ZNF729: variants seen among roughly 807,000 people sequenced by gnomAD.
ZNF729 encodes zinc finger protein 729.
In ZNF729, 15 loss-of-function variants were observed where a neutral mutation model predicts 12.2. The observed-to-expected ratio is 1.23, with a 90% CI of 0.82 to 1.89. ZNF729 has a LOEUF of 1.89. ZNF729 is among the 40% of genes most tolerant of loss of function. The pLI, the probability that ZNF729 is intolerant of heterozygous loss-of-function variation, is 0.00. For missense variants in ZNF729, 1,540 were observed against 1,456.7 expected, an observed-to-expected ratio of 1.06 and a Z score of -0.93; for synonymous variants, 492 against 476.3, an observed-to-expected ratio of 1.03 and a Z score of -0.43.
chr19:22,292,838 C>T (rs1968173352), intron 1 of ZNF729, among the ~76,000 whole-genome samples: 1 of 152,128 alleles, frequency 6.6e-6, no homozygotes, highest in Non-Finnish European at 1.5e-5. Context: ...CATGTATGTG[C>T]AGGTGTCTTT....
chr19:22,286,635 G>A (rs1968081802), intron 1 of ZNF729, 80 bp downstream of exon 1: 2 of 1,562,188 alleles, frequency 1.3e-6, no homozygotes, highest in South Asian at 1.1e-5. Context: ...GCGGGACTCC[G>A]GCCTCCCCGC....
chr19:22,316,650 G>A lies in ZNF729; in HGVS notation c.3233G>A (p.Cys1078Tyr), dbSNP rs185857298. 18 of 1,612,778 alleles carry A rather than the reference G, an allele frequency of 1.1e-5. No homozygotes were observed. In the Admixed American group the frequency reaches 1.2e-4, roughly 10 times the overall value. Reference sequence around the variant, plus strand: ...CATACTGGAGAGAAACCCTGCAAATGTGAAGAATGTGACAAAGCTTTTAAG... The same window carrying A: ...CATACTGGAGAGAAACCCTGCAAATATGAAGAATGTGACAAAGCTTTTAAG... ...VIHTGEKPCKCEECDKAFKHF... is the reference protein window; with the variant it reads ...VIHTGEKPCKYEECDKAFKHF... The change falls in exon 4 of 4, where the codon TGT (cysteine) becomes TAT (tyrosine). Residue 1078 changes from cysteine to tyrosine, a missense_variant. By Grantham distance (194) the Cys-to-Tyr change is radical. Coordinates refer to ENST00000601693, the MANE Select transcript of ZNF729 (RefSeq NM_001242680.2).
chr19:22,316,895 T>C lies in ZNF729; in HGVS notation c.3478T>C (p.Tyr1160His). 1 of 1,613,010 alleles carries C rather than the reference T, an allele frequency of 6.2e-7. No individual in the cohort carries two copies. Among genetic ancestry groups the C allele is most frequent in the African/African-American group, 1.3e-5 (1 of 75,006 alleles). The change falls in exon 4 of 4, where the codon TAC becomes CAC. Residue 1160 changes from tyrosine (Y) to histidine (H), a missense_variant. Coordinates refer to ENST00000601693, the MANE Select transcript of ZNF729 (RefSeq NM_001242680.2). ...HKIIHSVEKP[Y>H]KCEECGKAFN... ...GATAATTCATTCTGTAGAGAAACCC[T>C]ACAAATGTGAAGAATGTGGCAAAGC...
chr19:22,297,344 T>C (rs1968241664), intron 1 of ZNF729, among the ~76,000 whole-genome samples: 1 of 151,606 alleles, frequency 6.6e-6, no homozygotes, highest in Non-Finnish European at 1.5e-5. Flanking sequence ...CCAAGGATAC[T>C]CCTTAGATTT....
chr19:22,286,502 G>A lies in ZNF729; in HGVS notation c.-24G>A, dbSNP rs1968078980. The stretch of plus-strand genomic sequence containing the variant: ...CAGCCTCTGTGGCCCTGTAACCTGC[G>A]GCATTGGAAGATCCACAGCTAACAT... On this transcript the variant is annotated 5_prime_UTR_variant, in exon 1 of 4. Transcript: ENST00000601693. The A allele has an allele frequency of 2.5e-6, 4 of 1,613,034 alleles. No homozygotes were observed. In the East Asian group the frequency reaches 8.9e-5, roughly 36 times the overall value.
At chr19:22,295,880 A>C (rs1968224857) in intron 1 of ZNF729, among the ~76,000 whole-genome samples, 1 of 152,100 alleles carries the variant, frequency 6.6e-6, no homozygotes, top group Admixed American at 6.5e-5. Context: ...CTATTGAGAT[A>C]ATTTTTTTGG....
chr19:22,311,982 T>C (rs1968455002), intron 3 of ZNF729, among the ~76,000 whole-genome samples: 1 of 152,188 alleles, frequency 6.6e-6, no homozygotes, highest in Admixed American at 6.5e-5. Context: ...TGCTTTAAAG[T>C]ATATTTTGTC....
At chr19:22,293,560 T>A (rs901655512) in intron 1 of ZNF729, among the ~76,000 whole-genome samples, 2 of 142,272 alleles carry the variant, frequency 1.4e-5, no homozygotes, top group African/African-American at 5.4e-5. Context: ...TGGTGTGATC[T>A]CGGCTCACTG....
intron 1 of ZNF729, among the ~76,000 whole-genome samples, chr19:22,291,595 A>G (rs186047783): frequency 2.0e-5 from 3 of 147,928 alleles, no homozygotes; most frequent in African/African-American, 5.0e-5. Context: ...GTTCTGGACA[A>G]CCTGTTCATA....
At position 22,315,202 on chromosome 19, in the gene ZNF729, T is replaced by C. The variant is rs769841752; in HGVS notation, c.1785T>C (p.Thr595=). The C allele has an allele frequency of 3.1e-6, 5 of 1,611,856 alleles. No individual in the cohort carries two copies. In the South Asian group the frequency reaches 4.4e-5, roughly 14 times the overall value. ...TCAGAAAACATAAGGTAATTCATAC[T>C]AGGGAGAAATTGTACAAATGTGAAG... is the stretch of plus-strand genomic sequence containing the variant. ...SALRKHKVIH[T]REKLYKCEEC... The change falls in exon 4 of 4, where the codon ACT becomes ACC. Residue 595 remains threonine, a synonymous_variant. Coordinates refer to ENST00000601693, the MANE Select transcript of ZNF729 (RefSeq NM_001242680.2).
intron 1 of ZNF729, among the ~76,000 whole-genome samples, chr19:22,294,200 T>A (rs1484945743): frequency 7.2e-5 from 11 of 152,258 alleles, no homozygotes. Flanking sequence ...TAGGTGTTTA[T>A]CCCAGCACCA....
chr19:22,304,699 T>G lies in ZNF729; in HGVS notation c.169T>G (p.Phe57Val). 6.2e-7 allele frequency: 1 copy of G among 1,612,808 alleles called. No homozygotes were observed. The highest frequency in any genetic ancestry group is 8.5e-7 in the Non-Finnish European group (1 of 1,179,392). Residue 57 changes from phenylalanine (F) to valine (V), a missense_variant, in exon 3 of 4, where the codon TTT becomes GTT. Physicochemically the swap from Phe to Val is conservative, Grantham distance 50. Coordinates refer to ENST00000601693, the MANE Select transcript of ZNF729 (RefSeq NM_001242680.2). ...TTTTAATAAAACAGGTATGGCTGTC[T>G]TTAAGCCAGACTTGATAACTTGTCT... ...RNLVFLGMAV[F>V]KPDLITCLKQ...
In ZNF729 at chr19:22,314,325, G is replaced by T. The variant is rs879041439; in HGVS notation, c.908G>T (p.Gly303Val). 1 of 1,604,020 alleles carries T rather than the reference G, an allele frequency of 6.2e-7. No homozygotes were observed. Among genetic ancestry groups the T allele is most frequent in the Non-Finnish European group, 8.5e-7 (1 of 1,177,138 alleles). Residue 303 changes from glycine to valine, a missense_variant, in exon 4 of 4, where the codon GGG (glycine) becomes GTG (valine). Transcript: ENST00000601693. ...KCEECGKAFK[G>V]SSNFNAHKVI... is the part of the protein sequence containing the mutation. ...GAAGAATGTGGCAAAGCTTTTAAGG[G>T]GTCCTCAAATTTTAATGCACATAAG...
intron 1 of ZNF729, among the ~76,000 whole-genome samples, chr19:22,294,731 A>G (rs1968203519): frequency 1.4e-5 from 2 of 142,480 alleles, no homozygotes; most frequent in Non-Finnish European, 3.0e-5. Context: ...GTCTTAGCTC[A>G]CCACAACCTC....
Position 22,315,300 on chromosome 19 carries a change from A to T in ZNF729, c.1883A>T (p.Tyr628Phe), listed in dbSNP as rs769972468. Reference sequence around the variant, plus strand: ...ATAATTCATACTGGGAAGAAACCGTACAAATGTGAAGAATGTGGCAAAGCT... The same window carrying T: ...ATAATTCATACTGGGAAGAAACCGTTCAAATGTGAAGAATGTGGCAAAGCT... The part of the protein sequence containing the change: ...HKIIHTGKKP[Y>F]KCEECGKAFR... The change falls in exon 4 of 4, where the codon TAC (tyrosine) becomes TTC (phenylalanine). Residue 628 changes from tyrosine (Y) to phenylalanine (F), a missense_variant. Transcript: ENST00000601693. 20 of 1,613,270 alleles carry T rather than the reference A, an allele frequency of 1.2e-5. No homozygotes were observed.
intron 1 of ZNF729, 94 bp downstream of exon 1, chr19:22,286,649 C>T: frequency 1.3e-6 from 2 of 1,486,460 alleles, no homozygotes; most frequent in Non-Finnish European, 1.9e-6. Context: ...TCCCCGCAGT[C>T]AGCTCCACAA....
Position 22,317,164 on chromosome 19 carries a change from C to A in ZNF729, c.3747C>A (p.Ala1249=). ...GEKPYKCEEC[A]KAF is the part of the protein sequence containing the mutation. ...AACCCTACAAATGTGAAGAATGTGC[C>A]AAAGCTTTTTAACCATCCTTCAACC... Residue 1249 remains alanine, a synonymous_variant, in exon 4 of 4, where the codon GCC becomes GCA. Coordinates refer to ENST00000601693, the MANE Select transcript of ZNF729 (RefSeq NM_001242680.2). The A allele has an allele frequency of 6.3e-7, 1 of 1,597,926 alleles. No homozygotes were observed.
chr19:22,288,723 A>G (rs1317585244), intron 1 of ZNF729, among the ~76,000 whole-genome samples: 3 of 151,744 alleles, frequency 2.0e-5, no homozygotes, highest in Non-Finnish European at 2.9e-5. Flanking sequence ...TGGTCAGCCA[A>G]TCAGTTGCTG....
intron 3 of ZNF729, among the ~76,000 whole-genome samples, chr19:22,311,152 T>C (rs1378115989): frequency 6.6e-6 from 1 of 152,260 alleles, no homozygotes; most frequent in African/African-American, 2.4e-5. Flanking sequence ...TTTGTTTCAT[T>C]TATCTTTTGG....
Sources: gnomAD v4.1 joint callset for allele counts (sites outside exome capture counted in the v4.1 genomes callset) on GRCh38, gnomAD v4.1.1 for gene constraint, MANE v1.5 for transcripts, NCBI Gene and HGNC (gene_info 2026-07-23, HGNC 2026-07-21) for gene names.